NLGN1: variants seen among roughly 807,000 people sequenced by gnomAD.
NLGN1 encodes the protein neuroligin 1.
Under a neutral mutation model 65.5 loss-of-function variants are expected in NLGN1, and 12 were observed. That is an observed-to-expected ratio of 0.18 (90% CI 0.12 to 0.30). The LOEUF is 0.30. NLGN1 is among the 10% of genes least tolerant of loss of function. NLGN1 has a pLI of 1.00. For synonymous variants in NLGN1, 350 were observed against 359.5 expected (o/e 0.97, Z 0.30); for missense variants, 750 against 1,007.1 (o/e 0.74, Z 3.46).
chr3:173,841,109 C>G (rs1053496418), intron 4 of NLGN1, among the ~76,000 whole-genome samples: 1 of 147,766 alleles, frequency 6.8e-6, no homozygotes, highest in Non-Finnish European at 1.5e-5. Context: ...TACTTTAAAA[C>G]TCTACCAAAT....
intron 4 of NLGN1, among the ~76,000 whole-genome samples, chr3:174,239,835 A>C (rs1426174529): frequency 3.3e-5 from 5 of 152,200 alleles, no homozygotes; most frequent in Non-Finnish European, 7.3e-5. Flanking sequence ...GCAGGGATGG[A>C]AACCATGCTC....
chr3:173,944,124 G>GGT (rs1553897255), intron 4 of NLGN1, among the ~76,000 whole-genome samples: 5,096 of 139,524 alleles, frequency 0.037, 110 homozygotes, highest in East Asian at 0.056. Flanking sequence ...TAATATTATG[G>GGT]GTGTGTGTGT....
chr3:173,558,686 G>A (rs941479144), intron 2 of NLGN1, among the ~76,000 whole-genome samples: 6 of 151,464 alleles, frequency 4.0e-5, no homozygotes, highest in African/African-American at 1.5e-4. Flanking sequence ...ATTTCCCCTC[G>A]ACCTTTTAAA....
chr3:173,813,674 C>T (rs1375491163), intron 4 of NLGN1, among the ~76,000 whole-genome samples: 1 of 152,106 alleles, frequency 6.6e-6, no homozygotes, highest in Non-Finnish European at 1.5e-5. Context: ...GAAAAGGATA[C>T]AGAAAGTTAG....
At chr3:173,509,525 G>C (rs1017351008) in intron 2 of NLGN1, among the ~76,000 whole-genome samples, 2 of 152,104 alleles carry the variant, frequency 1.3e-5, no homozygotes, top group Non-Finnish European at 2.9e-5. Context: ...AGTTGGGAGG[G>C]TCACCTGAGC....
chr3:174,024,081 G>C (rs1282956492), intron 4 of NLGN1, among the ~76,000 whole-genome samples: 1 of 145,992 alleles, frequency 6.8e-6, no homozygotes, highest in Non-Finnish European at 1.5e-5. Flanking sequence ...TCCAAACAGA[G>C]TAACAGGGCT....
chr3:174,189,617 G>A (rs1037990641), intron 4 of NLGN1, among the ~76,000 whole-genome samples: 5 of 151,690 alleles, frequency 3.3e-5, no homozygotes, highest in Non-Finnish European at 7.4e-5. Context: ...TTCCAAATCT[G>A]CAGTGTATTG....
chr3:174,077,569 A>T (rs868632941), intron 4 of NLGN1, among the ~76,000 whole-genome samples: 88 of 151,160 alleles, frequency 5.8e-4, no homozygotes, highest in African/African-American at 1.6e-3. Flanking sequence ...TTATTTATTT[A>T]TTTTTTTTGA....
chr3:173,947,819 T>C (rs759452698), intron 4 of NLGN1, among the ~76,000 whole-genome samples: 26 of 152,214 alleles, frequency 1.7e-4, no homozygotes, highest in Non-Finnish European at 3.8e-4. Flanking sequence ...CTAATAGCCA[T>C]ACTTGGAATA....
chr3:174,014,980 G>T (rs893138839), intron 4 of NLGN1, among the ~76,000 whole-genome samples: 1 of 152,080 alleles, frequency 6.6e-6, no homozygotes, highest in Non-Finnish European at 1.5e-5. Flanking sequence ...GCAGGGCTAG[G>T]GGACAAACTG....
At chr3:174,158,395 G>A (rs1360160687) in intron 4 of NLGN1, among the ~76,000 whole-genome samples, 2 of 151,642 alleles carry the variant, frequency 1.3e-5, no homozygotes, top group Non-Finnish European at 2.9e-5. Context: ...AACCCCAAAA[G>A]TTTATAAATC....
At chr3:173,480,940 C>G (rs115611725) in intron 2 of NLGN1, among the ~76,000 whole-genome samples, 2 of 152,066 alleles carry the variant, frequency 1.3e-5, no homozygotes, top group South Asian at 4.1e-4. Context: ...CTACACAAAC[C>G]CTTAAATTGC....
At chr3:174,041,608 G>A (rs188376280) in intron 4 of NLGN1, among the ~76,000 whole-genome samples, 19 of 152,208 alleles carry the variant, frequency 1.2e-4, no homozygotes, top group Admixed American at 1.2e-3. Context: ...CCAAAATTTG[G>A]TGTGGTCAGT....
chr3:174,273,293 TC>T (rs1296935850), intron 4 of NLGN1, among the ~76,000 whole-genome samples: 6 of 35,550 alleles, frequency 1.7e-4, no homozygotes, highest in African/African-American at 1.0e-3. Flanking sequence ...TTTCATTCAC[TC>T]TCTCTCTCTC....
intron 4 of NLGN1, among the ~76,000 whole-genome samples, chr3:173,821,427 T>C (rs891102234): frequency 2.0e-5 from 3 of 152,196 alleles, no homozygotes; most frequent in East Asian, 1.9e-4. Flanking sequence ...TATTTAATTA[T>C]GCTAGAATTC....
chr3:173,826,250 C>T (rs1380529740), intron 4 of NLGN1, among the ~76,000 whole-genome samples: 2 of 152,076 alleles, frequency 1.3e-5, no homozygotes, highest in African/African-American at 4.8e-5. Context: ...TTCTGTAACT[C>T]AGACTGCCTT....
At chr3:174,281,111 A>G in exon 7 of NLGN1, 1 of 1,613,378 alleles carries the variant, frequency 6.2e-7, no homozygotes, top group Non-Finnish European at 8.5e-7. Context: ...CCTGTCCCCC[A>G]GATTACACAC....
At chr3:173,629,787 A>T (rs1200095502) in intron 3 of NLGN1, among the ~76,000 whole-genome samples, 1 of 151,918 alleles carries the variant, frequency 6.6e-6, no homozygotes, top group Non-Finnish European at 1.5e-5. Flanking sequence ...TCCATTGCTT[A>T]AAAAAAAGAG....
chr3:173,752,924 G>T (rs894641432), intron 3 of NLGN1, among the ~76,000 whole-genome samples: 1 of 151,992 alleles, frequency 6.6e-6, no homozygotes, highest in African/African-American at 2.4e-5. Flanking sequence ...ACTCTCCTCC[G>T]ATACCTACCA....
Sources: allele counts gnomAD v4.1 joint callset (sites outside exome capture counted in the v4.1 genomes callset), GRCh38; gene constraint gnomAD v4.1.1; transcripts MANE v1.5; gene names NCBI Gene and HGNC (gene_info 2026-07-23, HGNC 2026-07-21).